EHMT1: variants seen among roughly 807,000 people sequenced by gnomAD.
The protein encoded by EHMT1 is histone-lysine N-methyltransferase EHMT1.
In EHMT1, 15 loss-of-function variants were observed where a neutral mutation model predicts 147.2. That is an observed-to-expected ratio of 0.10 (90% CI 0.07 to 0.16). The LOEUF (loss-of-function observed/expected upper bound fraction) is 0.16, where lower values mean the gene tolerates loss of function less well. Ranked by LOEUF, EHMT1 falls within the 10% of genes least tolerant of loss-of-function variation. The probability of loss-of-function intolerance (pLI) is 1.00; values close to 1 mark genes in which losing one functional copy is unlikely to be tolerated. For synonymous variants in EHMT1, 795 were observed against 709.6 expected, an observed-to-expected ratio of 1.12 and a Z score of -1.91; for missense variants, 1,587 against 1,772.4, an observed-to-expected ratio of 0.90 and a Z score of 1.88.
intron 1 of EHMT1, among the ~76,000 whole-genome samples, chr9:137,623,210 C>T (rs940288518): frequency 6.8e-6 from 1 of 146,976 alleles, no homozygotes; most frequent in Admixed American, 6.8e-5. Flanking sequence ...AAGACTCCGT[C>T]TCAAAAAAAA....
chr9:137,764,841 C>T (rs1950110394), intron 10 of EHMT1: 1 of 152,024 alleles, frequency 6.6e-6, no homozygotes, highest in South Asian at 2.1e-4. Flanking sequence ...TTCCCATTTG[C>T]CACGCTGTTG....
chr9:137,676,457 C>T (rs958868415), intron 1 of EHMT1: 1 of 152,594 alleles, frequency 6.6e-6, no homozygotes, highest in African/African-American at 2.4e-5. Context: ...CCTCCGCCTC[C>T]CGGGTTCAGG....
chr9:137,737,845 C>T (rs1326754310), intron 4 of EHMT1, among the ~76,000 whole-genome samples: 1 of 152,056 alleles, frequency 6.6e-6, no homozygotes, highest in African/African-American at 2.4e-5. Context: ...AATTACTACC[C>T]AAAATATACA....
intron 19 of EHMT1, among the ~76,000 whole-genome samples, chr9:137,812,257 G>A (rs778127456): frequency 5.1e-4 from 77 of 152,350 alleles, no homozygotes; most frequent in Non-Finnish European, 8.2e-4. Context: ...CGAATCGCTT[G>A]AACCCAGGAG....
At chr9:137,746,083 G>GT (rs1399991377) in intron 6 of EHMT1, 1 of 152,326 alleles carries the variant, frequency 6.6e-6, no homozygotes. Context: ...ATGAATGGAG[G>GT]TTTTTTCCCC....
intron 25 of EHMT1, among the ~76,000 whole-genome samples, chr9:137,829,333 T>A (rs1956039095): frequency 6.6e-6 from 1 of 152,216 alleles, no homozygotes. Flanking sequence ...ATTGTGAAAA[T>A]TTTCAGACAT....
intron 25 of EHMT1, among the ~76,000 whole-genome samples, chr9:137,831,176 G>T (rs930619438): frequency 2.6e-5 from 4 of 152,210 alleles, no homozygotes; most frequent in African/African-American, 9.6e-5. Context: ...GTCTCAGCCT[G>T]TGAGTCTGGT....
chr9:137,626,742 G>T (rs1843284585), intron 1 of EHMT1, among the ~76,000 whole-genome samples: 1 of 151,580 alleles, frequency 6.6e-6, no homozygotes, highest in Admixed American at 6.6e-5. Flanking sequence ...TCACTGTAGG[G>T]TGATGGTTGG....
In EHMT1 at chr9:137,760,338, G is replaced by A. The variant is rs185423068; in HGVS notation, c.1501+2327G>A. On this transcript the variant is annotated intron_variant, in intron 9 of 26. Coordinates refer to ENST00000460843, the MANE Select transcript of EHMT1 (RefSeq NM_024757.5). Reference sequence around the variant, plus strand: ...AGCCTCTTGGCTGCTGTTGGCCAGTGCTGTGGTAGGACAGTTATCTCACAG... The same window carrying A: ...AGCCTCTTGGCTGCTGTTGGCCAGTACTGTGGTAGGACAGTTATCTCACAG... Among the ~76,000 whole-genome samples the A allele has an allele frequency of 2.4e-3, 367 of 152,334 alleles. 3 individuals are homozygous for A. Among genetic ancestry groups the A allele is most frequent in the Admixed American group, 0.022 (336 of 15,308 alleles).
chr9:137,706,461 G>C (rs930207075), intron 1 of EHMT1, among the ~76,000 whole-genome samples: 2 of 152,264 alleles, frequency 1.3e-5, no homozygotes, highest in Non-Finnish European at 1.5e-5. Context: ...CAGCATTTCT[G>C]TCACTGTTAT....
intron 1 of EHMT1, among the ~76,000 whole-genome samples, chr9:137,659,112 TTA>T (rs1232979199): frequency 1.3e-5 from 2 of 152,208 alleles, no homozygotes; most frequent in Non-Finnish European, 2.9e-5. Flanking sequence ...TCTAAATACA[TTA>T]TGTTTGTTGT....
chr9:137,800,805 C>T (rs552837368), intron 17 of EHMT1, 75 bp from the exon 18 acceptor site: 134 of 1,350,352 alleles, frequency 9.9e-5, no homozygotes, highest in African/African-American at 3.7e-4. Context: ...GCAGAGACCT[C>T]GGCGTGGGAG....
At chr9:137,621,262 G>C (rs756841386) in intron 1 of EHMT1, among the ~76,000 whole-genome samples, 1 of 152,208 alleles carries the variant, frequency 6.6e-6, no homozygotes, top group Non-Finnish European at 1.5e-5. Flanking sequence ...TGTGATCACT[G>C]TTGTCACTAA....
intron 16 of EHMT1, among the ~76,000 whole-genome samples, 187 bp from the exon 17 acceptor site, chr9:137,798,626 A>G (rs545762508): frequency 6.6e-6 from 1 of 152,212 alleles, no homozygotes; most frequent in African/African-American, 2.4e-5. Context: ...ATGGGGCCAC[A>G]GGGGGCTGCA....
chr9:137,624,505 A>T (rs1258378953), intron 1 of EHMT1, among the ~76,000 whole-genome samples: 3 of 151,790 alleles, frequency 2.0e-5, no homozygotes, highest in Non-Finnish European at 4.4e-5. Context: ...TAGTAGAGAC[A>T]GGGTTTCGCC....
At chr9:137,619,985 A>G (rs1184520253) in intron 1 of EHMT1, 1 of 152,182 alleles carries the variant, frequency 6.6e-6, no homozygotes, top group Non-Finnish European at 1.5e-5. Context: ...AACAGTTGAG[A>G]CTTCTAAAGC....
intron 15 of EHMT1, chr9:137,784,167 C>T (rs774229875): frequency 2.4e-5 from 37 of 1,551,120 alleles, no homozygotes; most frequent in Non-Finnish European, 3.0e-5. Flanking sequence ...GTGAGGACCT[C>T]GTGCTGTTCC....
intron 1 of EHMT1, among the ~76,000 whole-genome samples, chr9:137,707,753 G>A (rs1944388261): frequency 6.6e-6 from 1 of 152,248 alleles, no homozygotes; most frequent in South Asian, 2.1e-4. Flanking sequence ...AGGACTGTGA[G>A]ATGGAGTGGG....
intron 4 of EHMT1, among the ~76,000 whole-genome samples, chr9:137,738,401 A>G (rs1297002329): frequency 6.6e-6 from 1 of 152,118 alleles, no homozygotes; most frequent in Non-Finnish European, 1.5e-5. Flanking sequence ...CAAAACAGAA[A>G]ATGGCACATA....
Sources: gnomAD v4.1 joint callset for allele counts (sites outside exome capture counted in the v4.1 genomes callset) on GRCh38, gnomAD v4.1.1 for gene constraint, MANE v1.5 for transcripts, NCBI Gene and HGNC (gene_info 2026-07-23, HGNC 2026-07-21) for gene names.